SPAG6: variants seen among roughly 807,000 people sequenced by gnomAD.
SPAG6 encodes sperm-associated antigen 6.
Under a neutral mutation model 58.5 loss-of-function variants are expected in SPAG6, and 49 were observed. The observed-to-expected ratio is 0.84, with a 90% CI of 0.67 to 1.06. The LOEUF (loss-of-function observed/expected upper bound fraction) is 1.06, where lower values mean the gene tolerates loss of function less well. Among genes scored for constraint, SPAG6 ranks in the 50% least tolerant of loss-of-function variants. The pLI is 0.00. For synonymous variants in SPAG6, 233 were observed against 225.6 expected (o/e 1.03, Z -0.29); for missense variants, 560 against 611.3 (o/e 0.92, Z 0.89).
rs534816802 is a variant in SPAG6, at chr10:22,373,868, G to A, written c.472+5190G>A. 1.6e-3 allele frequency among the ~76,000 whole-genome samples: 247 copies of A among 151,998 alleles called. 1 individual carries two copies. The highest frequency in any genetic ancestry group is 5.9e-3 in the African/African-American group (243 of 41,452). ...ACAAATATCTTTGTATTTTTTAGGT[G>A]CTAGTGAAAAAAATATAAAGTGAAA... On this transcript the variant is annotated intron_variant, in intron 4 of 10. Coordinates refer to ENST00000376624, the MANE Select transcript of SPAG6 (RefSeq NM_012443.4).
intron 2 of SPAG6, among the ~76,000 whole-genome samples, chr10:22,354,488 T>C (rs1341759458): frequency 6.6e-6 from 1 of 152,178 alleles, no homozygotes; most frequent in African/African-American, 2.4e-5. Context: ...GTGCTAGGGC[T>C]CAGGAGACAG....
At chr10:22,388,839 G>A (rs1301005305) in intron 6 of SPAG6, among the ~76,000 whole-genome samples, 1 of 152,014 alleles carries the variant, frequency 6.6e-6, no homozygotes, top group Non-Finnish European at 1.5e-5. Flanking sequence ...TGTGATGGGG[G>A]GGTTTCAGTA....
chr10:22,396,905 T>C lies in SPAG6; in HGVS notation c.1198-4256T>C, dbSNP rs148517989. On this transcript the variant is annotated intron_variant, in intron 8 of 10. Transcript: ENST00000376624. The stretch of plus-strand genomic sequence containing the variant: ...GGATTCCTTCTCTGACATCGTCATA[T>C]ATTGTATCTAAGGATAAACATTAAC... 5.3e-5 allele frequency among the ~76,000 whole-genome samples: 8 copies of C among 152,316 alleles called. No individual in the cohort carries two copies. In the East Asian group the frequency reaches 7.7e-4, roughly 15 times the overall value.
chr10:22,394,064 C>T (rs1329596869), intron 8 of SPAG6, among the ~76,000 whole-genome samples: 1 of 151,990 alleles, frequency 6.6e-6, no homozygotes, highest in African/African-American at 2.4e-5. Context: ...CTATTGAGAC[C>T]CTTTGCTCAT....
Position 22,401,247 on chromosome 10 carries a change from T to G in SPAG6, c.1284T>G (p.Ile428Met), listed in dbSNP as rs1834407245. The G allele has an allele frequency of 1.3e-6, 2 of 1,591,840 alleles. No individual in the cohort carries two copies. The highest frequency in any genetic ancestry group is 1.7e-6 in the Non-Finnish European group (2 of 1,160,070). The change falls in exon 9 of 11, where the codon ATT becomes ATG. Residue 428 changes from isoleucine to methionine, a missense_variant. Physicochemically the swap from Ile to Met is conservative, Grantham distance 10. Transcript: ENST00000376624. ...EPFLYDAPPN[I>M]LKHVVGQFSK... ...TTCTATATGATGCTCCTCCCAATAT[T>G]CTGAAACATGTGGTTGGACAGTTCA...
intron 4 of SPAG6, among the ~76,000 whole-genome samples, chr10:22,380,293 T>TTTTGTTTG (rs375844648): frequency 6.6e-6 from 1 of 151,670 alleles, no homozygotes; most frequent in Non-Finnish European, 1.5e-5. Context: ...TAAATGTAGG[T>TTTTGTTTG]TTTGTTTGTT....
Position 22,387,421 on chromosome 10 carries a change from G to A in SPAG6, c.679-402G>A, listed in dbSNP as rs556422373. On this transcript the variant is annotated intron_variant, in intron 5 of 10. Transcript: ENST00000376624. ...TTTTAAAATTGTTAACATTAACTAAGCAATGGAACATTCTTTGAAATGGTA... is the reference window on the plus strand; with the variant it reads ...TTTTAAAATTGTTAACATTAACTAAACAATGGAACATTCTTTGAAATGGTA... 2.6e-5 allele frequency among the ~76,000 whole-genome samples: 4 copies of A among 152,208 alleles called. No individual in the cohort carries two copies. The South Asian group carries it at 8.3e-4, about 32-fold the overall frequency.
chr10:22,386,867 A>G lies in SPAG6; in HGVS notation c.586A>G (p.Lys196Glu). 1 of 1,613,754 alleles carries G rather than the reference A, an allele frequency of 6.2e-7. No individual in the cohort carries two copies. ...TGCTTCGGCCCTCAGTGATATTGCA[A>G]AGCATTCTCCAGAGTTAGCACAGAC... ...IAASALSDIAKHSPELAQTVV... is the reference protein window; with the variant it reads ...IAASALSDIAEHSPELAQTVV... The change falls in exon 5 of 11, where the codon AAG becomes GAG. Residue 196 changes from lysine to glutamate, a missense_variant. Coordinates refer to ENST00000376624, the MANE Select transcript of SPAG6 (RefSeq NM_012443.4).
At chr10:22,367,049 A>G (rs1837221343) in intron 3 of SPAG6, among the ~76,000 whole-genome samples, 2 of 151,198 alleles carry the variant, frequency 1.3e-5, no homozygotes, top group Non-Finnish European at 2.9e-5. Flanking sequence ...GGAATGGAAG[A>G]GAAGAGTGTT....
rs191304063 is a variant in SPAG6, at chr10:22,353,435, A to C, written c.121+7617A>C. ...GTGGGGTGATTTTAGGTGAGGAAAC[A>C]GTTTGAATGACCCACTTGAGTTCCT... On this transcript the variant is annotated intron_variant, in intron 2 of 10. Transcript: ENST00000376624. Among the ~76,000 whole-genome samples, 205 of 152,352 alleles carry C rather than the reference A, an allele frequency of 1.3e-3. 2 individuals are homozygous for C. Among genetic ancestry groups the C allele is most frequent in the African/African-American group, 4.7e-3 (195 of 41,604 alleles).
intron 6 of SPAG6, 41 bp downstream of exon 6, chr10:22,388,037 G>C: frequency 6.6e-7 from 1 of 1,513,462 alleles, no homozygotes; most frequent in South Asian, 1.2e-5. Flanking sequence ...GTAGTAGTTA[G>C]TTTTAGTTTT....
intron 5 of SPAG6, 79 bp downstream of exon 5, chr10:22,387,038 T>C (rs573225213): frequency 1.5e-4 from 165 of 1,091,694 alleles, no homozygotes; most frequent in Non-Finnish European, 2.2e-4. Context: ...GTGAATATTT[T>C]GCATCTAAAA....
intron 2 of SPAG6, among the ~76,000 whole-genome samples, chr10:22,363,813 A>G (rs1837113595): frequency 6.6e-6 from 1 of 152,234 alleles, no homozygotes; most frequent in Admixed American, 6.5e-5. Flanking sequence ...TAACTAGGAT[A>G]TATTTTTAAA....
Position 22,411,108 on chromosome 10 carries a change from A to G in SPAG6, c.1392A>G (p.Ala464=). Residue 464 remains alanine (A), a synonymous_variant, in exon 10 of 11, where the codon GCA becomes GCG. Coordinates refer to ENST00000376624, the MANE Select transcript of SPAG6 (RefSeq NM_012443.4). ...GGLKKVQEIK[A]EPGSLLQEYI... ...TTAAAAAAGTTCAAGAGATAAAAGC[A>G]GAACCTGGTTCTCTCCTTCAAGAAT... 6.2e-7 allele frequency: 1 copy of G among 1,614,122 alleles called. No individual in the cohort carries two copies. Among genetic ancestry groups the G allele is most frequent in the Non-Finnish European group, 8.5e-7 (1 of 1,179,932 alleles).
chr10:22,416,364 G>A (rs1023262478), intron 10 of SPAG6, among the ~76,000 whole-genome samples: 6 of 152,084 alleles, frequency 3.9e-5, no homozygotes, highest in Non-Finnish European at 8.8e-5. Flanking sequence ...TTCTTGTTTG[G>A]AAAATGTCCC....
chr10:22,401,579 C>A (rs893524254), intron 9 of SPAG6, among the ~76,000 whole-genome samples: 2 of 152,060 alleles, frequency 1.3e-5, no homozygotes, highest in African/African-American at 4.8e-5. Flanking sequence ...TTTCTAGTGT[C>A]TTTCATTTCA....
intron 4 of SPAG6, among the ~76,000 whole-genome samples, chr10:22,376,166 C>G (rs1211638266): frequency 6.6e-6 from 1 of 152,144 alleles, no homozygotes; most frequent in Non-Finnish European, 1.5e-5. Flanking sequence ...GTATGTGACT[C>G]TACCTTTTCA....
intron 8 of SPAG6, among the ~76,000 whole-genome samples, chr10:22,400,530 A>G (rs975873591): frequency 1.3e-5 from 2 of 151,634 alleles, no homozygotes; most frequent in Non-Finnish European, 2.9e-5. Context: ...AATGGTACAT[A>G]TGGTACGTAT....
chr10:22,411,289 C>A (rs930698523), intron 10 of SPAG6, 113 bp downstream of exon 10: 17 of 757,384 alleles, frequency 2.2e-5, no homozygotes, highest in Admixed American at 6.1e-5. Context: ...CGATGTGAGG[C>A]CAATATGTAC....
Sources: allele counts gnomAD v4.1 joint callset (sites outside exome capture counted in the v4.1 genomes callset), GRCh38; gene constraint gnomAD v4.1.1; transcripts MANE v1.5; gene names NCBI Gene and HGNC (gene_info 2026-07-23, HGNC 2026-07-21).